The following RAP1A variants were observed in gnomAD, a reference collection of about 807,000 sequenced individuals.
RAP1A encodes the protein ras-related protein Rap-1A.
Under a neutral mutation model 26.4 loss-of-function variants are expected in RAP1A, and 6 were observed. That is an observed-to-expected ratio of 0.23 (90% CI 0.12 to 0.45). The LOEUF is 0.45. RAP1A is among the 20% of genes least tolerant of loss of function. The pLI is 0.99. For synonymous variants in RAP1A, 73 were observed against 79.4 expected (o/e 0.92, Z 0.43); for missense variants, 121 against 217.2 (o/e 0.56, Z 2.78).
intron 1 of RAP1A, among the ~76,000 whole-genome samples, chr1:111,598,474 T>G (rs945963): frequency 0.35 from 53,898 of 151,828 alleles, 11,063 homozygotes; most frequent in Middle Eastern, 0.48. Flanking sequence ...CTTTTTTTTT[T>G]GTCCCACACG....
At chr1:111,684,026 T>C (rs1661388562) in intron 1 of RAP1A, among the ~76,000 whole-genome samples, 1 of 152,160 alleles carries the variant, frequency 6.6e-6, no homozygotes. Flanking sequence ...TCAATAAATA[T>C]AATCCATCAC....
intron 1 of RAP1A, among the ~76,000 whole-genome samples, chr1:111,690,845 T>G (rs1365495278): frequency 6.6e-6 from 1 of 152,226 alleles, no homozygotes; most frequent in Non-Finnish European, 1.5e-5. Flanking sequence ...TCTTTAATTA[T>G]TTTCAAGATG....
At chr1:111,663,325 A>G (rs1166080715) in intron 1 of RAP1A, among the ~76,000 whole-genome samples, 1 of 152,248 alleles carries the variant, frequency 6.6e-6, no homozygotes, top group Non-Finnish European at 1.5e-5. Flanking sequence ...TACTGGATTA[A>G]GGAATACAAT....
intron 1 of RAP1A, among the ~76,000 whole-genome samples, chr1:111,588,023 A>AC (rs1658411450): frequency 1.3e-5 from 2 of 152,280 alleles, no homozygotes; most frequent in South Asian, 4.1e-4. Flanking sequence ...CATATGACCC[A>AC]CAGCCTCAAA....
intron 1 of RAP1A, chr1:111,649,645 T>C (rs1028835968): frequency 1.1e-5 from 2 of 174,874 alleles, no homozygotes; most frequent in Non-Finnish European, 2.5e-5. Context: ...CTTCTTTTGC[T>C]GTTGATAATC....
intron 1 of RAP1A, among the ~76,000 whole-genome samples, chr1:111,590,907 A>C (rs1658460236): frequency 6.6e-6 from 1 of 152,230 alleles, no homozygotes; most frequent in Admixed American, 6.5e-5. Context: ...CTATAAAATA[A>C]GTTACAGTCA....
At chr1:111,703,313 A>G (rs747062468) in intron 4 of RAP1A, 23 bp from the exon 5 acceptor site, 5 of 1,455,638 alleles carry the variant, frequency 3.4e-6, no homozygotes, top group Non-Finnish European at 4.6e-6. Flanking sequence ...TATATTTATA[A>G]TTGCATATTT....
At chr1:111,637,818 A>G (rs1243836212) in intron 1 of RAP1A, among the ~76,000 whole-genome samples, 4 of 152,088 alleles carry the variant, frequency 2.6e-5, no homozygotes, top group Non-Finnish European at 5.9e-5. Context: ...TGATTTGTCT[A>G]TAGTTTTCAA....
chr1:111,677,628 C>T (rs149252231), intron 1 of RAP1A, among the ~76,000 whole-genome samples: 4 of 152,144 alleles, frequency 2.6e-5, no homozygotes, highest in South Asian at 2.1e-4. Flanking sequence ...GGTAGGAGTC[C>T]TCAGCTCCTC....
chr1:111,701,624 A>G (rs550256943), intron 4 of RAP1A, among the ~76,000 whole-genome samples: 1 of 152,296 alleles, frequency 6.6e-6, no homozygotes, highest in East Asian at 1.9e-4. Flanking sequence ...TGTCCTTAAG[A>G]AGGAGGTTGG....
At chr1:111,589,041 T>C (rs938086931) in intron 1 of RAP1A, among the ~76,000 whole-genome samples, 5 of 152,228 alleles carry the variant, frequency 3.3e-5, no homozygotes, top group Non-Finnish European at 5.9e-5. Context: ...ATTAGATATC[T>C]ATATTTATAT....
intron 6 of RAP1A, among the ~76,000 whole-genome samples, chr1:111,705,020 G>A (rs1047531063): frequency 1.3e-5 from 2 of 152,062 alleles, no homozygotes; most frequent in African/African-American, 2.4e-5. Flanking sequence ...TGTGGGGCAT[G>A]GGGGTGGGGT....
intron 1 of RAP1A, among the ~76,000 whole-genome samples, chr1:111,653,776 A>G (rs886846346): frequency 6.6e-6 from 1 of 152,034 alleles, no homozygotes; most frequent in East Asian, 1.9e-4. Context: ...TAAGTAGTAT[A>G]AAAGAGGTAA....
intron 2 of RAP1A, among the ~76,000 whole-genome samples, chr1:111,694,425 A>G (rs573549221): frequency 6.6e-6 from 1 of 152,160 alleles, no homozygotes; most frequent in South Asian, 2.1e-4. Context: ...ACCTCAGTCC[A>G]CATTCTTACC....
chr1:111,683,739 G>A (rs1479234582), intron 1 of RAP1A, among the ~76,000 whole-genome samples: 3 of 152,166 alleles, frequency 2.0e-5, no homozygotes, highest in Non-Finnish European at 2.9e-5. Flanking sequence ...GGTACAAAGA[G>A]GAGCTGGTAC....
In RAP1A at chr1:111,700,887, C is replaced by T. The variant is rs187423931; in HGVS notation, c.184-2449C>T. Reference sequence around the variant, plus strand: ...TACTGGCTTTACCTTAAAAACTTACCCAGAACTCAGCTACCACCACTAGAA... The same window carrying T: ...TACTGGCTTTACCTTAAAAACTTACTCAGAACTCAGCTACCACCACTAGAA... On this transcript the variant is annotated intron_variant, in intron 4 of 7. Coordinates refer to ENST00000369709, the MANE Select transcript of RAP1A (RefSeq NM_002884.4). Among the ~76,000 whole-genome samples, 28 of 152,186 alleles carry T rather than the reference C, an allele frequency of 1.8e-4. No individual in the cohort carries two copies. In the East Asian group the frequency reaches 5.2e-3, roughly 28 times the overall value.
At chr1:111,687,394 G>A (rs898355776) in intron 1 of RAP1A, among the ~76,000 whole-genome samples, 1 of 151,876 alleles carries the variant, frequency 6.6e-6, no homozygotes, top group African/African-American at 2.4e-5. Context: ...TTTTAGTAGA[G>A]ATGGGATTTT....
At chr1:111,657,102 T>C (rs892529272) in intron 1 of RAP1A, among the ~76,000 whole-genome samples, 3 of 152,102 alleles carry the variant, frequency 2.0e-5, no homozygotes, top group African/African-American at 7.2e-5. Context: ...TACCTATATG[T>C]CAAAATTGCA....
intron 1 of RAP1A, among the ~76,000 whole-genome samples, chr1:111,635,944 C>T (rs1016499086): frequency 5.9e-5 from 9 of 152,180 alleles, no homozygotes; most frequent in East Asian, 1.9e-4. Flanking sequence ...GCCATGTATC[C>T]CCTATTTTGG....
Sources: allele counts gnomAD v4.1 joint callset (sites outside exome capture counted in the v4.1 genomes callset), GRCh38; gene constraint gnomAD v4.1.1; transcripts MANE v1.5; gene names NCBI Gene and HGNC (gene_info 2026-07-23, HGNC 2026-07-21).